Variants in KCNAB2 observed in about 807,000 individuals in gnomAD.
The protein encoded by KCNAB2 is potassium voltage-gated channel subfamily A regulatory beta subunit 2.
In KCNAB2, 29 loss-of-function variants were observed where a neutral mutation model predicts 63.6. The observed-to-expected ratio is 0.46, with a 90% CI of 0.34 to 0.62. KCNAB2 has a LOEUF of 0.62. KCNAB2 is among the 20% of genes least tolerant of loss of function. KCNAB2 has a pLI of 0.01. For missense variants in KCNAB2, 359 were observed against 563.9 expected, an observed-to-expected ratio of 0.64 and a Z score of 3.68; for synonymous variants, 222 against 224.2, an observed-to-expected ratio of 0.99 and a Z score of 0.09.
chr1:6,034,896 G>A (rs906877410), intron 1 of KCNAB2: 2 of 152,430 alleles, frequency 1.3e-5, no homozygotes, highest in Non-Finnish European at 2.9e-5. Context: ...TGCTTTCCCG[G>A]AGCCGGCATC....
intron 1 of KCNAB2, among the ~76,000 whole-genome samples, chr1:6,005,807 C>T (rs998732031): frequency 4.6e-5 from 7 of 151,896 alleles, no homozygotes; most frequent in Non-Finnish European, 8.8e-5. Context: ...CGGAGTTTCC[C>T]CTGGCAGGGA....
intron 5 of KCNAB2, among the ~76,000 whole-genome samples, chr1:6,084,715 C>G (rs1664533704): frequency 6.6e-6 from 1 of 151,752 alleles, no homozygotes; most frequent in South Asian, 2.1e-4. Context: ...ACTTGGGAGG[C>G]TGAGGCAGGA....
intron 1 of KCNAB2, among the ~76,000 whole-genome samples, chr1:6,022,581 C>G (rs558582886): frequency 6.6e-6 from 1 of 152,110 alleles, no homozygotes; most frequent in Admixed American, 6.5e-5. Flanking sequence ...TCACCACCAT[C>G]CATCTCCAGA....
intron 1 of KCNAB2, among the ~76,000 whole-genome samples, chr1:6,001,329 C>T (rs1164992567): frequency 6.6e-6 from 1 of 151,172 alleles, no homozygotes; most frequent in African/African-American, 2.4e-5. Context: ...CACACACACA[C>T]ACTCTCCCAA....
At position 6,051,977 on chromosome 1, in the gene KCNAB2, C is replaced by T. The variant is rs993692292; in HGVS notation, c.218+223C>T. Among the ~76,000 whole-genome samples, 45 of 152,268 alleles carry T rather than the reference C, an allele frequency of 3.0e-4. No homozygotes were observed. In the Middle Eastern group the frequency reaches 0.01, roughly 35 times the overall value. ...AATAGCCAGGCATAGTGGGGCGCAC[C>T]TGTAGTCCCAACTACTCAGGAGGCT... On this transcript the variant is annotated intron_variant, in intron 2 of 15. Transcript: ENST00000378083.
At chr1:6,047,232 G>A (rs891569602) in intron 1 of KCNAB2, among the ~76,000 whole-genome samples, 1 of 152,308 alleles carries the variant, frequency 6.6e-6, no homozygotes, top group Non-Finnish European at 1.5e-5. Context: ...GGACCCTGAG[G>A]CAGGAGCCCG....
chr1:6,089,135 A>AC (rs976115457), intron 8 of KCNAB2, 84 bp downstream of exon 8: 75 of 1,396,922 alleles, frequency 5.4e-5, no homozygotes, highest in African/African-American at 2.6e-4. Context: ...ACAGGGCCCG[A>AC]CCCCCCCAGT....
At chr1:6,038,743 G>C (rs1001128697) in intron 1 of KCNAB2, among the ~76,000 whole-genome samples, 1 of 152,166 alleles carries the variant, frequency 6.6e-6, no homozygotes, top group Non-Finnish European at 1.5e-5. Flanking sequence ...GATTTCTTCC[G>C]AGGAAGCCGG....
chr1:6,031,315 G>A (rs1040154849), upstream of KCNAB2, among the ~76,000 whole-genome samples: 3 of 152,164 alleles, frequency 2.0e-5, no homozygotes, highest in Non-Finnish European at 4.4e-5. The surrounding 1 kb of genome is among the most constrained non-coding windows in gnomAD (Gnocchi z 4.1). Context: ...TGATGCTGAG[G>A]TTGAAGGAAT....
chr1:6,072,386 G>C (rs1052688498), intron 2 of KCNAB2, among the ~76,000 whole-genome samples: 1 of 152,216 alleles, frequency 6.6e-6, no homozygotes, highest in Non-Finnish European at 1.5e-5. Context: ...AGAGAGGAAG[G>C]AAGAAGGGGC....
At chr1:6,062,352 C>G (rs1397907340) in intron 2 of KCNAB2, among the ~76,000 whole-genome samples, 1 of 151,938 alleles carries the variant, frequency 6.6e-6, no homozygotes, top group Non-Finnish European at 1.5e-5. Context: ...AAATTTCTAC[C>G]TTGGGTTCTC....
intron 15 of KCNAB2, chr1:6,097,901 C>A: frequency 5.4e-6 from 1 of 185,976 alleles, no homozygotes; most frequent in Admixed American, 5.9e-5. Context: ...GCAGCTCAGC[C>A]TGGAAAGGGA....
chr1:6,098,177 C>T (rs1278241611), intron 15 of KCNAB2: 3 of 1,111,764 alleles, frequency 2.7e-6, no homozygotes, highest in East Asian at 1.3e-4. Context: ...CAGTCACGGA[C>T]ATGGAAGTCC....
intron 1 of KCNAB2, among the ~76,000 whole-genome samples, chr1:6,036,648 T>C (rs1295091): frequency 0.96 from 146,799 of 152,310 alleles, 70,758 homozygotes; most frequent in East Asian, 1. Context: ...GGGACAGCCA[T>C]GTGACCATGG....
chr1:6,090,756 G>A (rs1665122489), intron 9 of KCNAB2, among the ~76,000 whole-genome samples: 2 of 152,176 alleles, frequency 1.3e-5, no homozygotes, highest in South Asian at 2.1e-4. Flanking sequence ...AGTCAGAGCC[G>A]CAGTGGAACT....
rs1221072575 is a variant in KCNAB2, at chr1:6,097,371, G to A, written c.1158+14G>A. 6.4e-7 allele frequency: 1 copy of A among 1,550,738 alleles called. No individual in the cohort carries two copies. Among genetic ancestry groups the A allele is most frequent in the African/African-American group, 1.4e-5 (1 of 73,210 alleles). On this transcript the variant is annotated intron_variant, in intron 15 of 15. Transcript: ENST00000378083. ...GGGGCAATACAGGTAAGAGTGAGAG[G>A]CCCTGCTGGGCAGAGGGCCCATCCC...
chr1:6,017,879 C>G (rs996638353), intron 1 of KCNAB2, among the ~76,000 whole-genome samples: 1 of 150,842 alleles, frequency 6.6e-6, no homozygotes, highest in Non-Finnish European at 1.5e-5. Flanking sequence ...AGGCTGTGTT[C>G]CTGGAGGAGA....
At chr1:6,032,870 C>T (rs1325338033), upstream of KCNAB2, among the ~76,000 whole-genome samples, 2 of 152,076 alleles carry the variant, frequency 1.3e-5, no homozygotes, top group South Asian at 2.1e-4. Context: ...ATGACCTAAA[C>T]GTTTCAAAAA....
At chr1:5,996,534 CTT>C (rs1656948712) in intron 1 of KCNAB2, among the ~76,000 whole-genome samples, 3 of 152,264 alleles carry the variant, frequency 2.0e-5, no homozygotes, top group African/African-American at 7.2e-5. Flanking sequence ...TTCTGCGTGT[CTT>C]CAGTGACAGA....
Sources: gnomAD v4.1 joint callset for allele counts (sites outside exome capture counted in the v4.1 genomes callset) on GRCh38, gnomAD v4.1.1 for gene constraint, Gnocchi (gnomAD v3.1) non-coding constraint, MANE v1.5 for transcripts, NCBI Gene and HGNC (gene_info 2026-07-23, HGNC 2026-07-21) for gene names.